Variants in ZFAND6 observed in about 807,000 individuals in gnomAD.
ZFAND6 encodes the protein AN1-type zinc finger protein 6.
Under a neutral mutation model 24.5 loss-of-function variants are expected in ZFAND6, and 12 were observed. That is an observed-to-expected ratio of 0.49 (90% CI 0.31 to 0.79). The LOEUF (loss-of-function observed/expected upper bound fraction) is 0.79. ZFAND6 is among the 30% of genes least tolerant of loss of function. ZFAND6 has a pLI of 0.04. For missense variants in ZFAND6, 207 were observed against 245.9 expected (o/e 0.84, Z 1.06); for synonymous variants, 92 against 81.5 (o/e 1.13, Z -0.69).
chr15:80,130,937 GAA>G (rs755419608), intron 5 of ZFAND6: 6 of 389,486 alleles, frequency 1.5e-5, no homozygotes, highest in Non-Finnish European at 2.7e-5. Flanking sequence ...AAAACCTAAA[GAA>G]AGTCTATAAA....
intron 1 of ZFAND6, among the ~76,000 whole-genome samples, chr15:80,094,701 G>T (rs1303174920): frequency 1.3e-5 from 2 of 151,990 alleles, no homozygotes; most frequent in African/African-American, 4.8e-5. Flanking sequence ...TTGTATAACT[G>T]CATTACAGTT....
At chr15:80,072,470 G>A (rs2037034215) in intron 1 of ZFAND6, 1 of 152,008 alleles carries the variant, frequency 6.6e-6, no homozygotes. Flanking sequence ...TAAAATAATG[G>A]ATATTAGCCG....
At chr15:80,086,894 C>T (rs957438232) in intron 1 of ZFAND6, among the ~76,000 whole-genome samples, 1 of 152,292 alleles carries the variant, frequency 6.6e-6, no homozygotes, top group South Asian at 2.1e-4. Context: ...AAGTATTTCA[C>T]GTAAGTGGAA....
chr15:80,075,790 G>T (rs2037238495), intron 1 of ZFAND6, among the ~76,000 whole-genome samples: 1 of 152,048 alleles, frequency 6.6e-6, no homozygotes. Context: ...TTCTGTGTTT[G>T]TATGCCATCG....
chr15:80,062,159 A>G (rs149463650), intron 1 of ZFAND6, among the ~76,000 whole-genome samples: 367 of 152,288 alleles, frequency 2.4e-3, no homozygotes, highest in African/African-American at 8.6e-3. Flanking sequence ...ATCTCTAGCA[A>G]ATTACTTAAA....
At chr15:80,083,868 A>G (rs1464926337) in intron 1 of ZFAND6, among the ~76,000 whole-genome samples, 1 of 152,204 alleles carries the variant, frequency 6.6e-6, no homozygotes, top group African/African-American at 2.4e-5. Flanking sequence ...TCTCAAAAGC[A>G]TGGAAGTTGA....
At chr15:80,095,242 C>T (rs746314168) in intron 1 of ZFAND6, among the ~76,000 whole-genome samples, 1 of 152,160 alleles carries the variant, frequency 6.6e-6, no homozygotes. Context: ...TGTAGAATCT[C>T]CCTTAATTTG....
intron 1 of ZFAND6, among the ~76,000 whole-genome samples, chr15:80,065,825 G>A (rs1417076971): frequency 2.0e-5 from 3 of 151,946 alleles, no homozygotes; most frequent in Non-Finnish European, 4.4e-5. Context: ...GATTACAGGC[G>A]TGACCCACTG....
At chr15:80,084,194 G>A (rs571939490) in intron 1 of ZFAND6, among the ~76,000 whole-genome samples, 2 of 152,334 alleles carry the variant, frequency 1.3e-5, no homozygotes, top group Admixed American at 6.5e-5. Context: ...CTGCAAATCA[G>A]TTCAGAGAGG....
chr15:80,110,199 A>G (rs939678010), intron 2 of ZFAND6, among the ~76,000 whole-genome samples: 4 of 152,218 alleles, frequency 2.6e-5, no homozygotes, highest in East Asian at 1.9e-4. Context: ...TCCCAGACCA[A>G]CACTGATAAA....
chr15:80,125,566 C>G (rs1393765005), intron 5 of ZFAND6, among the ~76,000 whole-genome samples: 2 of 152,156 alleles, frequency 1.3e-5, no homozygotes, highest in African/African-American at 4.8e-5. Context: ...GAGAATTTAG[C>G]ATATTGAAGC....
chr15:80,063,742 G>T (rs1382743198), intron 1 of ZFAND6, among the ~76,000 whole-genome samples: 1 of 152,064 alleles, frequency 6.6e-6, no homozygotes, highest in African/African-American at 2.4e-5. Context: ...GTAGAGAGGG[G>T]GTTTCAGCAT....
intron 2 of ZFAND6, among the ~76,000 whole-genome samples, chr15:80,104,849 G>A (rs967244106): frequency 2.6e-5 from 4 of 151,606 alleles, no homozygotes; most frequent in Admixed American, 6.6e-5. Context: ...ATTTTTACTT[G>A]GATTGACTAT....
At position 80,066,187 on chromosome 15, in the gene ZFAND6, G is replaced by A. The variant is rs141701731; in HGVS notation, c.-181+6378G>A. ...TTTTCAGATTTCGACAAGTGTCTAGGAAGTAAATAAATAATAGAAGGTGCT... is the reference window on the plus strand; with the variant it reads ...TTTTCAGATTTCGACAAGTGTCTAGAAAGTAAATAAATAATAGAAGGTGCT... On this transcript the variant is annotated intron_variant, in intron 1 of 6. Coordinates refer to ENST00000261749, the MANE Select transcript of ZFAND6 (RefSeq NM_019006.4). Among the ~76,000 whole-genome samples the A allele has an allele frequency of 3.1e-3, 467 of 152,250 alleles. 1 individual carries two copies. Among genetic ancestry groups the A allele is most frequent in the Non-Finnish European group, 5.2e-3 (353 of 68,020 alleles).
At chr15:80,123,303 C>G (rs2040228759) in intron 5 of ZFAND6, among the ~76,000 whole-genome samples, 1 of 152,100 alleles carries the variant, frequency 6.6e-6, no homozygotes, top group Non-Finnish European at 1.5e-5. Flanking sequence ...CTCTTCATAT[C>G]CCCATTATGA....
intron 1 of ZFAND6, among the ~76,000 whole-genome samples, chr15:80,090,758 ATG>A (rs1265533147): frequency 6.6e-6 from 1 of 152,224 alleles, no homozygotes; most frequent in Non-Finnish European, 1.5e-5. Flanking sequence ...ACCTGAGCTA[ATG>A]TATATAAAAA....
intron 2 of ZFAND6, among the ~76,000 whole-genome samples, chr15:80,108,347 A>G (rs1254052285): frequency 6.6e-6 from 1 of 152,196 alleles, no homozygotes; most frequent in Non-Finnish European, 1.5e-5. Context: ...TACAAAGTCT[A>G]CATAGTTGAA....
intron 1 of ZFAND6, among the ~76,000 whole-genome samples, chr15:80,066,962 T>G (rs947560455): frequency 2.6e-5 from 4 of 152,042 alleles, no homozygotes; most frequent in Non-Finnish European, 4.4e-5. Flanking sequence ...GCTGGATTGC[T>G]GCTCCAAAGC....
At chr15:80,101,293 C>T (rs1388325644) in intron 2 of ZFAND6, among the ~76,000 whole-genome samples, 1 of 152,016 alleles carries the variant, frequency 6.6e-6, no homozygotes. Flanking sequence ...AAACCTCCGT[C>T]TCTACTAAAG....
Sources: gnomAD v4.1 joint callset for allele counts (sites outside exome capture counted in the v4.1 genomes callset) on GRCh38, gnomAD v4.1.1 for gene constraint, MANE v1.5 for transcripts, NCBI Gene and HGNC (gene_info 2026-07-23, HGNC 2026-07-21) for gene names.